Variants in ZNF804A observed in about 807,000 individuals in gnomAD.
ZNF804A encodes the protein zinc finger protein 804A.
Under a neutral mutation model 16.5 loss-of-function variants are expected in ZNF804A, and 2 were observed. The ratio of observed to expected loss-of-function variants is 0.12; its 90% confidence interval spans 0.05 to 0.38. The LOEUF is 0.38. Ranked by LOEUF, ZNF804A falls within the 10% of genes least tolerant of loss-of-function variation. ZNF804A has a pLI of 0.99. For synonymous variants in ZNF804A, 534 were observed against 489.6 expected (o/e 1.09, Z -1.20); for missense variants, 1,473 against 1,390.7 (o/e 1.06, Z -0.94).
At chr2:184,653,549 A>G (rs1010359051) in intron 1 of ZNF804A, among the ~76,000 whole-genome samples, 1 of 152,220 alleles carries the variant, frequency 6.6e-6, no homozygotes, top group Non-Finnish European at 1.5e-5. Context: ...GGGAGACCCA[A>G]CTGGACATTT....
chr2:184,934,869 A>G (rs1685760169), intron 3 of ZNF804A, among the ~76,000 whole-genome samples: 1 of 152,154 alleles, frequency 6.6e-6, no homozygotes, highest in African/African-American at 2.4e-5. Context: ...AGATGGGAAA[A>G]GAAGTCATTC....
intron 1 of ZNF804A, among the ~76,000 whole-genome samples, chr2:184,720,796 C>A (rs1693300722): frequency 6.6e-6 from 1 of 151,944 alleles, no homozygotes; most frequent in Non-Finnish European, 1.5e-5. Flanking sequence ...CCTCAAATAG[C>A]CAAAGCAATC....
intron 1 of ZNF804A, among the ~76,000 whole-genome samples, chr2:184,685,414 G>A (rs1347010715): frequency 6.6e-6 from 1 of 152,042 alleles, no homozygotes; most frequent in Non-Finnish European, 1.5e-5. Context: ...GCAAGCAGAG[G>A]GTGGGGGCAT....
rs746667804 is a variant in ZNF804A, at chr2:184,936,578, T to C, written c.1182T>C (p.Asn394=). The C allele has an allele frequency of 6.2e-7, 1 of 1,613,968 alleles. No individual in the cohort carries two copies. Among genetic ancestry groups the C allele is most frequent in the Non-Finnish European group, 8.5e-7 (1 of 1,179,924 alleles). The part of the protein sequence containing the change: ...EASTTEVENK[N]GPETLAPSNT... Reference sequence around the variant, plus strand: ...CCACAACTGAGGTTGAAAATAAAAATGGTCCCGAGACATTGGCCCCTTCAA... The same window carrying C: ...CCACAACTGAGGTTGAAAATAAAAACGGTCCCGAGACATTGGCCCCTTCAA... Residue 394 remains asparagine (N), a synonymous_variant, in exon 4 of 4, where the codon AAT becomes AAC. Coordinates refer to ENST00000302277, the MANE Select transcript of ZNF804A (RefSeq NM_194250.2).
chr2:184,640,500 T>G (rs1691777439), intron 1 of ZNF804A, among the ~76,000 whole-genome samples: 1 of 152,126 alleles, frequency 6.6e-6, no homozygotes, highest in Admixed American at 6.5e-5. Context: ...ACTTATTTTA[T>G]GAAGCCAATG....
chr2:184,622,404 A>C (rs1236343982), intron 1 of ZNF804A, among the ~76,000 whole-genome samples: 1 of 151,678 alleles, frequency 6.6e-6, no homozygotes, highest in Non-Finnish European at 1.5e-5. Flanking sequence ...CAATGTTCTG[A>C]TCACCCAAGA....
chr2:184,904,506 A>C (rs1685239003), intron 2 of ZNF804A, among the ~76,000 whole-genome samples: 1 of 152,126 alleles, frequency 6.6e-6, no homozygotes, highest in Non-Finnish European at 1.5e-5. Flanking sequence ...TTTCACAGGC[A>C]CAATTACCAC....
intron 1 of ZNF804A, among the ~76,000 whole-genome samples, chr2:184,689,043 C>T (rs1011578321): frequency 5.3e-5 from 8 of 152,026 alleles, no homozygotes; most frequent in African/African-American, 4.8e-5. Flanking sequence ...TTTAATAACA[C>T]ATATACACAC....
intron 1 of ZNF804A, among the ~76,000 whole-genome samples, chr2:184,850,518 C>A (rs1429879134): frequency 6.6e-6 from 1 of 151,496 alleles, no homozygotes; most frequent in Non-Finnish European, 1.5e-5. Context: ...CAGAAGAGAA[C>A]AATTTTCCCC....
At chr2:184,753,180 CT>C (rs1693902068) in intron 1 of ZNF804A, among the ~76,000 whole-genome samples, 1 of 151,502 alleles carries the variant, frequency 6.6e-6, no homozygotes, top group African/African-American at 2.4e-5. Flanking sequence ...TAGTTTCACA[CT>C]TGTTTAATAT....
At chr2:184,881,110 C>A (rs1264870409) in intron 2 of ZNF804A, among the ~76,000 whole-genome samples, 2 of 151,982 alleles carry the variant, frequency 1.3e-5, no homozygotes, top group African/African-American at 4.8e-5. Flanking sequence ...ACTTCAAGGA[C>A]TTCAGAATAC....
At chr2:184,875,610 A>T (rs1382296427) in intron 2 of ZNF804A, among the ~76,000 whole-genome samples, 1 of 152,120 alleles carries the variant, frequency 6.6e-6, no homozygotes, top group Non-Finnish European at 1.5e-5. Context: ...ATATTTCTTT[A>T]TAGCAACACA....
At chr2:184,926,935 C>T (rs1444173984) in intron 2 of ZNF804A, among the ~76,000 whole-genome samples, 1 of 152,116 alleles carries the variant, frequency 6.6e-6, no homozygotes, top group African/African-American at 2.4e-5. Context: ...TTTTGAGTTT[C>T]CTCACAAGTG....
intron 1 of ZNF804A, among the ~76,000 whole-genome samples, chr2:184,828,631 T>C (rs1695210205): frequency 6.6e-6 from 1 of 151,918 alleles, no homozygotes; most frequent in African/African-American, 2.4e-5. Flanking sequence ...AGGTACTGTA[T>C]TTCAATGCTT....
chr2:184,791,583 T>C (rs998797406), intron 1 of ZNF804A, among the ~76,000 whole-genome samples: 38 of 152,126 alleles, frequency 2.5e-4, no homozygotes, highest in African/African-American at 8.7e-4. Context: ...GAAAGTACAG[T>C]CTCCATATAT....
chr2:184,716,556 G>A (rs1693217056), intron 1 of ZNF804A, among the ~76,000 whole-genome samples: 1 of 151,972 alleles, frequency 6.6e-6, no homozygotes, highest in African/African-American at 2.4e-5. Flanking sequence ...ACGATTTCTA[G>A]GCTTGTGGGA....
chr2:184,872,954 T>A (rs546810138), intron 2 of ZNF804A, among the ~76,000 whole-genome samples: 125 of 152,302 alleles, frequency 8.2e-4, no homozygotes, highest in African/African-American at 3.0e-3. Flanking sequence ...TTTAGAAATT[T>A]ATTAAGTGAC....
At chr2:184,816,416 A>C (rs2105788941) in intron 1 of ZNF804A, among the ~76,000 whole-genome samples, 1 of 152,168 alleles carries the variant, frequency 6.6e-6, no homozygotes, top group African/African-American at 2.4e-5. Flanking sequence ...TTTCTCCATT[A>C]GAGAATTTCA....
intron 1 of ZNF804A, among the ~76,000 whole-genome samples, chr2:184,866,052 T>C (rs1301382766): frequency 6.6e-6 from 1 of 152,302 alleles, no homozygotes; most frequent in Admixed American, 6.5e-5. Context: ...TGAATCAAGA[T>C]AGCTATGTGA....
Sources: allele counts gnomAD v4.1 joint callset (sites outside exome capture counted in the v4.1 genomes callset), GRCh38; gene constraint gnomAD v4.1.1; transcripts MANE v1.5; gene names NCBI Gene and HGNC (gene_info 2026-07-23, HGNC 2026-07-21).